CTDSPL2: variants seen among roughly 807,000 people sequenced by gnomAD.
CTDSPL2 encodes CTD small phosphatase-like protein 2.
A neutral mutation model predicts 60.0 loss-of-function variants in CTDSPL2; 5 were observed. The observed-to-expected ratio is 0.08, with a 90% CI of 0.04 to 0.18. The LOEUF is 0.18. Ranked by LOEUF, CTDSPL2 falls within the 10% of genes least tolerant of loss-of-function variation. The probability of loss-of-function intolerance (pLI) is 1.00; values close to 1 mark genes in which losing one functional copy is unlikely to be tolerated. For missense variants in CTDSPL2, 370 were observed against 548.8 expected (o/e 0.67, Z 3.26); for synonymous variants, 186 against 189.3 (o/e 0.98, Z 0.14).
intron 1 of CTDSPL2, among the ~76,000 whole-genome samples, chr15:44,434,867 A>G (rs1293645720): frequency 1.3e-4 from 20 of 152,194 alleles, no homozygotes; most frequent in Admixed American, 1.2e-3. Context: ...TAATTTTATA[A>G]TATTAGCTAA....
intron 1 of CTDSPL2, among the ~76,000 whole-genome samples, chr15:44,437,653 C>A (rs1347590119): frequency 6.6e-6 from 1 of 152,128 alleles, no homozygotes; most frequent in Admixed American, 6.6e-5. Context: ...AAAATTGTGG[C>A]TTAGTTCAAC....
At chr15:44,455,162 A>G (rs2080408675) in intron 1 of CTDSPL2, among the ~76,000 whole-genome samples, 1 of 152,120 alleles carries the variant, frequency 6.6e-6, no homozygotes, top group Non-Finnish European at 1.5e-5. Flanking sequence ...TTGGATTCCT[A>G]GGTATTTTAT....
At chr15:44,467,582 T>A (rs988944021) in intron 2 of CTDSPL2, among the ~76,000 whole-genome samples, 10 of 152,092 alleles carry the variant, frequency 6.6e-5, no homozygotes, top group African/African-American at 2.4e-4. Context: ...TTATTTATTT[T>A]ATTTTTTTTG....
chr15:44,485,764 C>G (rs1469071004), intron 3 of CTDSPL2, among the ~76,000 whole-genome samples: 1 of 151,952 alleles, frequency 6.6e-6, no homozygotes, highest in East Asian at 1.9e-4. Flanking sequence ...TTGTCTCTGC[C>G]CAGTGCAGCA....
chr15:44,521,477 G>A, intron 12 of CTDSPL2, 71 bp downstream of exon 12: 1 of 878,028 alleles, frequency 1.1e-6, no homozygotes, highest in South Asian at 1.7e-5. Flanking sequence ...ATTTTTAAAT[G>A]TCTTTGCTTT....
At chr15:44,514,688 G>A in intron 9 of CTDSPL2, 28 bp downstream of exon 9, 1 of 1,559,288 alleles carries the variant, frequency 6.4e-7, no homozygotes, top group Non-Finnish European at 8.8e-7. Context: ...AATTACATAT[G>A]TATTTTTATT....
At chr15:44,445,065 C>T (rs953726387) in intron 1 of CTDSPL2, among the ~76,000 whole-genome samples, 3 of 151,326 alleles carry the variant, frequency 2.0e-5, no homozygotes, top group African/African-American at 4.9e-5. Context: ...AGGATGGTCT[C>T]GATCTCCAGA....
chr15:44,430,045 C>T (rs2079825648), intron 1 of CTDSPL2, among the ~76,000 whole-genome samples: 1 of 152,134 alleles, frequency 6.6e-6, no homozygotes, highest in African/African-American at 2.4e-5. Flanking sequence ...ACTGTTTTCC[C>T]ACTGTTAAGA....
intron 12 of CTDSPL2, 124 bp downstream of exon 12, chr15:44,521,530 G>T: frequency 1.9e-6 from 1 of 525,038 alleles, no homozygotes; most frequent in Non-Finnish European, 3.3e-6. Flanking sequence ...CAGGTCACAG[G>T]TGCCATCATA....
chr15:44,495,311 G>A (rs1324374401), intron 5 of CTDSPL2, among the ~76,000 whole-genome samples: 3 of 151,990 alleles, frequency 2.0e-5, no homozygotes, highest in South Asian at 2.1e-4. Context: ...GGCCGGGTGC[G>A]GTGGCTCACG....
chr15:44,448,459 G>C, intron 1 of CTDSPL2: 1 of 247,592 alleles, frequency 4.0e-6, no homozygotes, highest in Non-Finnish European at 8.0e-6. Flanking sequence ...AGTGTAGTCA[G>C]CGCTTGGGCC....
At chr15:44,505,563 T>C (rs1269339678) in intron 8 of CTDSPL2, among the ~76,000 whole-genome samples, 2 of 151,898 alleles carry the variant, frequency 1.3e-5, no homozygotes, top group Admixed American at 6.6e-5. Context: ...GGTGAAACCC[T>C]GTCTCTACTA....
intron 3 of CTDSPL2, 103 bp downstream of exon 3, chr15:44,484,465 T>A: frequency 9.0e-7 from 1 of 1,108,302 alleles, no homozygotes; most frequent in Non-Finnish European, 1.3e-6. Context: ...CCGGGTGCAG[T>A]GGCTCATGCC....
At chr15:44,469,825 C>T (rs1357109808) in intron 2 of CTDSPL2, among the ~76,000 whole-genome samples, 1 of 152,076 alleles carries the variant, frequency 6.6e-6, no homozygotes, top group East Asian at 1.9e-4. Context: ...TGGCCGGGCG[C>T]GGTGGCTCAC....
chr15:44,476,906 T>C (rs2080928029), intron 2 of CTDSPL2, among the ~76,000 whole-genome samples: 1 of 152,172 alleles, frequency 6.6e-6, no homozygotes, highest in Admixed American at 6.5e-5. Context: ...TACAACTAGA[T>C]AATTAGTAAG....
rs1296892386 is a variant in CTDSPL2, at chr15:44,523,388, C to A, written c.1336-721C>A. ...AGGGCAACATAGTGAGACCTCATCT[C>A]TACATACATACATACATACATACAT... On this transcript the variant is annotated intron_variant, in intron 12 of 12. Coordinates refer to ENST00000260327, the MANE Select transcript of CTDSPL2 (RefSeq NM_016396.3). Among the ~76,000 whole-genome samples the A allele has an allele frequency of 2.8e-5, 4 of 145,006 alleles. No individual in the cohort carries two copies. In the East Asian group the frequency reaches 8.2e-4, roughly 30 times the overall value.
intron 2 of CTDSPL2, among the ~76,000 whole-genome samples, chr15:44,463,719 A>G (rs1021082245): frequency 2.0e-5 from 3 of 152,168 alleles, no homozygotes; most frequent in South Asian, 2.1e-4. Context: ...CTTATCTACA[A>G]TGTCATAAAC....
intron 5 of CTDSPL2, among the ~76,000 whole-genome samples, chr15:44,494,372 T>G (rs955513368): frequency 6.6e-6 from 1 of 152,080 alleles, no homozygotes; most frequent in Non-Finnish European, 1.5e-5. Context: ...TGAGGAGGCC[T>G]AGGAAGGAGG....
chr15:44,498,078 A>G (rs900551852), intron 7 of CTDSPL2, among the ~76,000 whole-genome samples: 2 of 152,162 alleles, frequency 1.3e-5, no homozygotes, highest in Non-Finnish European at 1.5e-5. Context: ...AATTTAATAT[A>G]TAGTCACATT....
Sources: gnomAD v4.1 joint callset for allele counts (sites outside exome capture counted in the v4.1 genomes callset) on GRCh38, gnomAD v4.1.1 for gene constraint, MANE v1.5 for transcripts, NCBI Gene and HGNC (gene_info 2026-07-23, HGNC 2026-07-21) for gene names.